TAFA1: variants seen among roughly 807,000 people sequenced by gnomAD.
The protein encoded by TAFA1 is TAFA chemokine like family member 1, also known as chemokine-like protein TAFA-1.
A neutral mutation model predicts 18.5 loss-of-function variants in TAFA1; 4 were observed. That is an observed-to-expected ratio of 0.22 (90% CI 0.11 to 0.49). The LOEUF is 0.49. Ranked by LOEUF, TAFA1 falls within the 20% of genes least tolerant of loss-of-function variation. The pLI, the probability that TAFA1 is intolerant of heterozygous loss-of-function variation, is 0.98. For missense variants in TAFA1, 147 were observed against 169.0 expected (o/e 0.87, Z 0.72); for synonymous variants, 56 against 55.2 (o/e 1.01, Z -0.06).
At chr3:68,106,573 G>T (rs1035083263) in intron 2 of TAFA1, among the ~76,000 whole-genome samples, 1 of 152,016 alleles carries the variant, frequency 6.6e-6, no homozygotes, top group African/African-American at 2.4e-5. Flanking sequence ...AACAAACAAT[G>T]AAAGATGAAA....
At chr3:68,256,324 T>G (rs2107179557) in intron 2 of TAFA1, among the ~76,000 whole-genome samples, 1 of 152,274 alleles carries the variant, frequency 6.6e-6, no homozygotes, top group East Asian at 1.9e-4. Context: ...AGGAGTTCTC[T>G]CAAACCAGAA....
intron 2 of TAFA1, among the ~76,000 whole-genome samples, chr3:68,073,309 T>C (rs1412807153): frequency 6.6e-6 from 1 of 152,184 alleles, no homozygotes. Flanking sequence ...TCCCTCAAGG[T>C]TGAATGATTT....
intron 3 of TAFA1, 130 bp downstream of exon 3, chr3:68,417,550 T>C: frequency 2.4e-6 from 2 of 829,524 alleles, no homozygotes; most frequent in South Asian, 2.0e-5. Context: ...AGTTATACAA[T>C]TGCCAGCCTC....
intron 2 of TAFA1, among the ~76,000 whole-genome samples, chr3:68,350,789 A>G (rs1437290217): frequency 6.6e-6 from 1 of 152,128 alleles, no homozygotes; most frequent in African/African-American, 2.4e-5. Flanking sequence ...GGGTCTCCTA[A>G]TAAGTAGTCG....
chr3:68,531,253 C>T (rs1458226701), intron 3 of TAFA1, among the ~76,000 whole-genome samples: 2 of 152,040 alleles, frequency 1.3e-5, no homozygotes, highest in Non-Finnish European at 2.9e-5. Flanking sequence ...GATTCTGCCT[C>T]CTCAGAAGAA....
intron 2 of TAFA1, among the ~76,000 whole-genome samples, chr3:68,061,817 A>G (rs1406855741): frequency 6.6e-6 from 1 of 152,174 alleles, no homozygotes; most frequent in Non-Finnish European, 1.5e-5. Context: ...TTTCTCCACA[A>G]AACACCCTTC....
intron 2 of TAFA1, among the ~76,000 whole-genome samples, chr3:68,333,637 A>T (rs188208466): frequency 1.3e-5 from 2 of 152,336 alleles, no homozygotes; most frequent in Non-Finnish European, 2.9e-5. Context: ...TTTTTTAAAA[A>T]ATAGAACTAA....
At chr3:68,115,606 C>T (rs1434324602) in intron 2 of TAFA1, among the ~76,000 whole-genome samples, 1 of 152,134 alleles carries the variant, frequency 6.6e-6, no homozygotes, top group East Asian at 1.9e-4. Context: ...AGCTAAGGTG[C>T]TCCTTAGAGT....
intron 2 of TAFA1, among the ~76,000 whole-genome samples, chr3:68,381,510 G>A (rs1322988940): frequency 6.6e-6 from 1 of 152,116 alleles, no homozygotes; most frequent in Admixed American, 6.6e-5. Context: ...GGATTCGCAG[G>A]TATTTTATTC....
intron 2 of TAFA1, among the ~76,000 whole-genome samples, chr3:68,231,272 T>C (rs977724570): frequency 2.6e-5 from 4 of 151,802 alleles, no homozygotes; most frequent in Non-Finnish European, 5.9e-5. Context: ...AACACATAGC[T>C]TACACAATTA....
At chr3:68,050,268 C>A (rs138822271) in intron 2 of TAFA1, among the ~76,000 whole-genome samples, 299 of 152,142 alleles carry the variant, frequency 2.0e-3, no homozygotes, top group Non-Finnish European at 3.7e-3. Flanking sequence ...TGTGGGTACT[C>A]AAGAGAGTAT....
At chr3:68,485,776 T>C (rs1173631577) in intron 3 of TAFA1, among the ~76,000 whole-genome samples, 1 of 152,190 alleles carries the variant, frequency 6.6e-6, no homozygotes, top group Non-Finnish European at 1.5e-5. Flanking sequence ...TTCTAGGAAA[T>C]TTTAAATACT....
At chr3:68,072,573 A>G (rs2064770350) in intron 2 of TAFA1, among the ~76,000 whole-genome samples, 1 of 152,182 alleles carries the variant, frequency 6.6e-6, no homozygotes, top group Non-Finnish European at 1.5e-5. Flanking sequence ...ATAGCCAAGA[A>G]ACATTTAGGA....
intron 2 of TAFA1, among the ~76,000 whole-genome samples, chr3:68,038,661 C>G (rs1200122612): frequency 6.6e-6 from 1 of 150,918 alleles, no homozygotes; most frequent in Non-Finnish European, 1.5e-5. Context: ...AAAGTAGAAG[C>G]TATTGTTAAA....
At chr3:68,054,926 G>A (rs112976407) in intron 2 of TAFA1, among the ~76,000 whole-genome samples, 19 of 152,138 alleles carry the variant, frequency 1.2e-4, no homozygotes, top group African/African-American at 2.4e-4. Context: ...CTAGTACTAC[G>A]TATGTTTGTC....
chr3:68,445,610 C>T (rs904908312), intron 3 of TAFA1, among the ~76,000 whole-genome samples: 1 of 152,058 alleles, frequency 6.6e-6, no homozygotes, highest in Non-Finnish European at 1.5e-5. Context: ...GGGAATTCTT[C>T]TATTTGGATA....
chr3:68,540,946 A>T (rs2073362836), intron 4 of TAFA1, among the ~76,000 whole-genome samples: 1 of 152,188 alleles, frequency 6.6e-6, no homozygotes, highest in Non-Finnish European at 1.5e-5. Flanking sequence ...GCAGGATCTG[A>T]TCACAGTACC....
At chr3:68,448,642 G>T (rs2071514277) in intron 3 of TAFA1, among the ~76,000 whole-genome samples, 1 of 151,976 alleles carries the variant, frequency 6.6e-6, no homozygotes, top group Non-Finnish European at 1.5e-5. Context: ...CACAGACCCT[G>T]TGGGTCTATC....
chr3:68,056,500 TC>T (rs1166186571), intron 2 of TAFA1, among the ~76,000 whole-genome samples: 4 of 152,154 alleles, frequency 2.6e-5, no homozygotes, highest in African/African-American at 9.7e-5. Context: ...CTGAGGTAGA[TC>T]CAGGTTTATT....
Sources: gnomAD v4.1 joint callset for allele counts (sites outside exome capture counted in the v4.1 genomes callset) on GRCh38, gnomAD v4.1.1 for gene constraint, MANE v1.5 for transcripts, NCBI Gene and HGNC (gene_info 2026-07-23, HGNC 2026-07-21) for gene names.